AGMO: variants seen among roughly 807,000 people sequenced by gnomAD.
AGMO encodes the protein alkylglycerol monooxygenase.
In AGMO, 75 loss-of-function variants were observed where a neutral mutation model predicts 60.2. The ratio of observed to expected loss-of-function variants is 1.25; its 90% CI spans 1.03 to 1.51. AGMO has a LOEUF of 1.51. Ranked by LOEUF, AGMO falls within the 40% of genes most tolerant of loss-of-function variation. AGMO has a pLI of 0.00. For missense variants in AGMO, 763 were observed against 525.5 expected, an observed-to-expected ratio of 1.45 and a Z score of -4.42; for synonymous variants, 261 against 177.1, an observed-to-expected ratio of 1.47 and a Z score of -3.76.
intron 3 of AGMO, among the ~76,000 whole-genome samples, chr7:15,480,957 A>G (rs914293722): frequency 7.2e-5 from 11 of 152,224 alleles, no homozygotes; most frequent in African/African-American, 2.6e-4. Flanking sequence ...AATTATGTTC[A>G]AGCATAATTA....
At chr7:15,451,843 T>C (rs1781863667) in intron 3 of AGMO, among the ~76,000 whole-genome samples, 1 of 151,776 alleles carries the variant, frequency 6.6e-6, no homozygotes, top group Non-Finnish European at 1.5e-5. Context: ...CGTACAGAAA[T>C]GGGAAGGAAG....
At chr7:15,271,677 G>C (rs1328053382) in intron 12 of AGMO, among the ~76,000 whole-genome samples, 2 of 152,012 alleles carry the variant, frequency 1.3e-5, no homozygotes, top group African/African-American at 4.8e-5. Flanking sequence ...TTGCCTGATT[G>C]CTATAGCTAA....
chr7:15,225,980 TAA>T (rs1373925371), intron 12 of AGMO, among the ~76,000 whole-genome samples: 5 of 152,002 alleles, frequency 3.3e-5, no homozygotes, highest in African/African-American at 1.2e-4. Context: ...ATTGAAAAAA[TAA>T]AAGAGATAAA....
intron 2 of AGMO, among the ~76,000 whole-genome samples, chr7:15,554,513 T>C (rs1430068200): frequency 1.3e-5 from 2 of 152,090 alleles, no homozygotes; most frequent in Admixed American, 1.3e-4. Context: ...ATTTTCTTCA[T>C]GAATTCCCCC....
chr7:15,326,197 G>C (rs1006312213), intron 12 of AGMO, among the ~76,000 whole-genome samples: 1 of 152,066 alleles, frequency 6.6e-6, no homozygotes, highest in East Asian at 1.9e-4. Context: ...TAAGGAAAAT[G>C]ATAAAACTTA....
At chr7:15,129,939 G>C in the AGMO span, among the ~76,000 whole-genome samples, 1 of 152,224 alleles carries the variant, frequency 6.6e-6, no homozygotes, top group Non-Finnish European at 1.5e-5. Context: ...TATCAGCCAT[G>C]CTCGAGTAAT....
At chr7:15,167,491 T>C in the AGMO span, among the ~76,000 whole-genome samples, 1 of 152,204 alleles carries the variant, frequency 6.6e-6, no homozygotes, top group Non-Finnish European at 1.5e-5. Flanking sequence ...GTGACTACAT[T>C]ATACTGCTTT....
chr7:15,395,437 CAAAA>C (rs1176144003), intron 5 of AGMO, among the ~76,000 whole-genome samples: 1 of 151,256 alleles, frequency 6.6e-6, no homozygotes, highest in African/African-American at 2.4e-5. Context: ...ATTTTATAGG[CAAAA>C]AACAAAAATT....
the AGMO span, among the ~76,000 whole-genome samples, chr7:15,165,693 A>G: frequency 6.6e-6 from 1 of 152,190 alleles, no homozygotes; most frequent in South Asian, 2.1e-4. Context: ...ATGTTACTTA[A>G]ATGAATATGA....
chr7:15,247,153 C>T (rs1294653775), intron 12 of AGMO, among the ~76,000 whole-genome samples: 1 of 150,438 alleles, frequency 6.6e-6, no homozygotes, highest in East Asian at 1.9e-4. Flanking sequence ...ACTGGTTATC[C>T]TAAAAAAAAA....
At chr7:15,539,890 G>A (rs1009082156) in intron 3 of AGMO, among the ~76,000 whole-genome samples, 1 of 151,458 alleles carries the variant, frequency 6.6e-6, no homozygotes, top group African/African-American at 2.5e-5. Context: ...AATGATTAGT[G>A]ATGTTGAGCT....
At chr7:15,175,776 GA>G in the AGMO span, among the ~76,000 whole-genome samples, 2 of 151,854 alleles carry the variant, frequency 1.3e-5, no homozygotes, top group African/African-American at 4.8e-5. Context: ...ATAGTATATA[GA>G]TTAAATATTA....
chr7:15,508,683 A>T (rs1250680382), intron 3 of AGMO, among the ~76,000 whole-genome samples: 2 of 152,024 alleles, frequency 1.3e-5, no homozygotes, highest in Non-Finnish European at 2.9e-5. Context: ...GCACAGTGGG[A>T]GATAGTCCAC....
chr7:15,507,087 T>A (rs78632940), intron 3 of AGMO, among the ~76,000 whole-genome samples: 1,853 of 152,116 alleles, frequency 0.012, 18 homozygotes, highest in Non-Finnish European at 0.019. Flanking sequence ...AACATATTTA[T>A]GATAGTTAAG....
intron 12 of AGMO, among the ~76,000 whole-genome samples, chr7:15,224,820 A>C (rs544803939): frequency 1.5e-4 from 23 of 152,192 alleles, no homozygotes; most frequent in African/African-American, 5.3e-4. Context: ...CAAATTTGGC[A>C]GTATAGGCAA....
chr7:15,388,356 A>G (rs968373087), intron 8 of AGMO, among the ~76,000 whole-genome samples: 6 of 152,156 alleles, frequency 3.9e-5, no homozygotes, highest in African/African-American at 1.4e-4. Context: ...AACCTCAGGC[A>G]TATGGGTTAA....
the AGMO span, among the ~76,000 whole-genome samples, chr7:15,120,616 C>A: frequency 2.0e-5 from 3 of 152,096 alleles, no homozygotes; most frequent in Non-Finnish European, 4.4e-5. Flanking sequence ...GGATGTGGTA[C>A]CTCACCTAGA....
At chr7:15,428,190 T>G (rs1446666714) in intron 4 of AGMO, among the ~76,000 whole-genome samples, 1 of 152,040 alleles carries the variant, frequency 6.6e-6, no homozygotes, top group Non-Finnish European at 1.5e-5. Flanking sequence ...ACCTGAAGTG[T>G]GCCCTATAAT....
chr7:15,342,921 G>C (rs35460725), intron 12 of AGMO, among the ~76,000 whole-genome samples: 32,514 of 151,736 alleles, frequency 0.21, 3,872 homozygotes, highest in East Asian at 0.44. Flanking sequence ...GTACTAAAAG[G>C]CTTCTCTGTG....
Sources: allele counts gnomAD v4.1 joint callset (sites outside exome capture counted in the v4.1 genomes callset), GRCh38; gene constraint gnomAD v4.1.1; transcripts MANE v1.5; gene names NCBI Gene and HGNC (gene_info 2026-07-23, HGNC 2026-07-21).